Variants in TECTB observed in about 807,000 individuals in gnomAD.
TECTB encodes the protein beta-tectorin.
TECTB carries 45 observed loss-of-function variants against 43.3 expected under a neutral mutation model. That is an observed-to-expected ratio of 1.04 (90% confidence interval 0.82 to 1.33). The LOEUF is 1.33. Among genes scored for constraint, TECTB ranks in the 40% most tolerant of loss-of-function variants. The probability of loss-of-function intolerance (pLI) is 0.00; values close to 1 mark genes in which losing one functional copy is unlikely to be tolerated. For missense variants in TECTB, 399 were observed against 404.7 expected, an observed-to-expected ratio of 0.99 and a Z score of 0.12; for synonymous variants, 169 against 156.7, an observed-to-expected ratio of 1.08 and a Z score of -0.59.
chr10:112,301,077 G>A (rs1320584601), intron 9 of TECTB, among the ~76,000 whole-genome samples: 1 of 152,240 alleles, frequency 6.6e-6, no homozygotes, highest in Non-Finnish European at 1.5e-5. Flanking sequence ...ACGTTTTTAT[G>A]TGGTTCAAAA....
At position 112,303,650 on chromosome 10, in the gene TECTB, C is replaced by A; in HGVS notation, c.*338C>A. 3.4e-6 allele frequency: 1 copy of A among 289,864 alleles called. No individual in the cohort carries two copies. Among genetic ancestry groups the A allele is most frequent in the Non-Finnish European group, 6.6e-6 (1 of 152,294 alleles). 18.0% of individuals were successfully genotyped at this position (289,864 alleles called of 1,614,324 possible). On this transcript the variant is annotated 3_prime_UTR_variant, in exon 11 of 11. Transcript: ENST00000646139. ...GGTTAGCAGACCCAACCAAGTACTG[C>A]TGAGCATTTTGAAGAGAATGTAGGG...
At chr10:112,298,541 T>C (rs1848568880) in intron 8 of TECTB, among the ~76,000 whole-genome samples, 1 of 151,994 alleles carries the variant, frequency 6.6e-6, no homozygotes, top group Non-Finnish European at 1.5e-5. Flanking sequence ...TGTAGGTAAA[T>C]GAAAGTGATA....
Position 112,299,540 on chromosome 10 carries a change from C to G in TECTB, c.883C>G (p.Leu295Val). The G allele has an allele frequency of 6.2e-7, 1 of 1,613,964 alleles. No homozygotes were observed. Residue 295 changes from leucine (L) to valine (V), a missense_variant, in exon 9 of 11, where the codon CTG becomes GTG. Coordinates refer to ENST00000646139, the MANE Select transcript of TECTB (RefSeq NM_058222.3). ...CCTGCGAGACCAGACCGGGGGAGTC[C>G]TGGTCGTGGAGCTCTCCCTGCGGAG... ...RLLRDQTGGV[L>V]VVELSLRSRG...
chr10:112,292,243 T>C (rs547664551), intron 5 of TECTB, among the ~76,000 whole-genome samples: 2 of 152,178 alleles, frequency 1.3e-5, no homozygotes, highest in South Asian at 4.1e-4. Context: ...CAGCCTCCTT[T>C]GAGTAAGTCA....
intron 7 of TECTB, 76 bp from the exon 8 acceptor site, chr10:112,297,993 G>T: frequency 6.3e-7 from 1 of 1,599,232 alleles, no homozygotes; most frequent in Non-Finnish European, 8.5e-7. Context: ...CGGGAGCCTT[G>T]TGTGTAAATC....
intron 3 of TECTB, among the ~76,000 whole-genome samples, chr10:112,285,853 G>C (rs1208798448): frequency 1.3e-5 from 2 of 152,156 alleles, no homozygotes; most frequent in African/African-American, 4.8e-5. Context: ...CATCAACCTA[G>C]ATCATTTTTA....
chr10:112,298,118 A>G lies in TECTB; in HGVS notation c.721A>G (p.Arg241Gly), dbSNP rs1848564713. The part of the protein sequence containing the change: ...VLVHENGRDH[R>G]ATFQFNAFRF... ...CGTGCATGAGAATGGGAGAGATCAC[A>G]GGGCAACCTTCCAATTCAATGCTTT... The change falls in exon 8 of 11, where the codon AGG (arginine) becomes GGG (glycine). Residue 241 changes from arginine (R) to glycine (G), a missense_variant. Transcript: ENST00000646139. The G allele has an allele frequency of 6.2e-7, 1 of 1,614,114 alleles. No homozygotes were observed. Among genetic ancestry groups the G allele is most frequent in the Non-Finnish European group, 8.5e-7 (1 of 1,180,054 alleles).
At chr10:112,294,365 G>C (rs1402001805) in intron 7 of TECTB, among the ~76,000 whole-genome samples, 1 of 152,138 alleles carries the variant, frequency 6.6e-6, no homozygotes, top group African/African-American at 2.4e-5. Context: ...GAGAGGGTAA[G>C]GTCTCATATT....
Position 112,285,428 on chromosome 10 carries a change from C to T in TECTB, c.268-643C>T, listed in dbSNP as rs1589635637. On this transcript the variant is annotated intron_variant, in intron 3 of 10. Coordinates refer to ENST00000646139, the MANE Select transcript of TECTB (RefSeq NM_058222.3). ...GAGCAAAGAGCTTCCAGGGCCAGCT[C>T]CTCTTTCTAAAGGCCTCACAAGGAT... Among the ~76,000 whole-genome samples the T allele has an allele frequency of 2.0e-5, 3 of 152,260 alleles. No individual in the cohort carries two copies. In the South Asian group the frequency reaches 6.2e-4, roughly 32 times the overall value.
intron 7 of TECTB, among the ~76,000 whole-genome samples, chr10:112,295,481 G>A (rs1002368011): frequency 2.0e-5 from 3 of 152,214 alleles, no homozygotes; most frequent in African/African-American, 4.8e-5. Context: ...AGAAGGCCTG[G>A]GATTCAGACT....
chr10:112,300,274 G>GAAAA (rs1232473596), intron 9 of TECTB, among the ~76,000 whole-genome samples: 1 of 28,598 alleles, frequency 3.5e-5, no homozygotes, highest in Non-Finnish European at 6.2e-5. Flanking sequence ...AAGAAAGAAA[G>GAAAA]AAAGAAAAGA....
In TECTB at chr10:112,299,524, C is replaced by A. The variant is rs199966327; in HGVS notation, c.867C>A (p.Asp289Glu). 1 of 1,614,120 alleles carries A rather than the reference C, an allele frequency of 6.2e-7. No individual in the cohort carries two copies. Among genetic ancestry groups the A allele is most frequent in the Admixed American group, 1.7e-5 (1 of 60,016 alleles). ...ATAAACGGAAGCGCCTCCTGCGAGA[C>A]CAGACCGGGGGAGTCCTGGTCGTGG... is the stretch of plus-strand genomic sequence containing the variant. The part of the protein sequence containing the change: ...TCDKRKRLLR[D>E]QTGGVLVVEL... Residue 289 changes from aspartate (D) to glutamate (E), a missense_variant, in exon 9 of 11, where the codon GAC becomes GAA. Transcript: ENST00000646139.
Position 112,284,658 on chromosome 10 carries a change from G to T in TECTB, c.200G>T (p.Gly67Val). Residue 67 changes from glycine to valine, a missense_variant, in exon 3 of 11, where the codon GGT becomes GTT. Physicochemically the swap from Gly to Val is moderately radical, Grantham distance 109. Transcript: ENST00000646139. ...GLCYNGVHEGGYYQFVIPDLS... is the reference protein window; with the variant it reads ...GLCYNGVHEGVYYQFVIPDLS... ...TGTTACAATGGGGTCCACGAAGGAGGTTACTACCAATTTGTGATCCCAGAT... is the reference window on the plus strand; with the variant it reads ...TGTTACAATGGGGTCCACGAAGGAGTTTACTACCAATTTGTGATCCCAGAT... 3 of 1,613,380 alleles carry T rather than the reference G, an allele frequency of 1.9e-6. No homozygotes were observed. The highest frequency in any genetic ancestry group is 2.5e-6 in the Non-Finnish European group (3 of 1,179,682).
At chr10:112,294,419 T>A (rs1157357291) in intron 7 of TECTB, among the ~76,000 whole-genome samples, 1 of 152,148 alleles carries the variant, frequency 6.6e-6, no homozygotes, top group Non-Finnish European at 1.5e-5. Context: ...TGTGTATGTG[T>A]GCAAGAGGAA....
intron 7 of TECTB, among the ~76,000 whole-genome samples, chr10:112,297,504 G>A (rs1027284961): frequency 2.0e-5 from 3 of 151,874 alleles, no homozygotes; most frequent in Admixed American, 6.6e-5. Context: ...ACATTTAGAC[G>A]GTATCCTTCA....
At chr10:112,290,369 T>C (rs2133350300) in intron 5 of TECTB, among the ~76,000 whole-genome samples, 1 of 152,354 alleles carries the variant, frequency 6.6e-6, no homozygotes. Context: ...AGGTTTCTAA[T>C]TTTCACATTA....
rs1413254361 is a variant in TECTB at position 112,304,048 on chromosome 10, A to G, written c.*736A>G. ...ACAAATTAAATAGGAATATTTACAA[A>G]AAGAATAATCACAAGAAGAATACAA... is the stretch of plus-strand genomic sequence containing the variant. On this transcript the variant is annotated 3_prime_UTR_variant, in exon 11 of 11. Transcript: ENST00000646139. 6.6e-6 allele frequency: 1 copy of G among 152,230 alleles called. No homozygotes were observed. Among genetic ancestry groups the G allele is most frequent in the East Asian group, 1.9e-4 (1 of 5,196 alleles). The allele number at this position is 152,230 out of a possible 1,614,324, so 9.4% of individuals were successfully genotyped here. A position where few individuals can be genotyped will look rare whatever the true frequency, so the allele number is the denominator to read the frequency against.
At chr10:112,300,226 G>GAAAT (rs1478394038) in intron 9 of TECTB, among the ~76,000 whole-genome samples, 18 of 47,570 alleles carry the variant, frequency 3.8e-4, no homozygotes, top group African/African-American at 1.1e-3. Context: ...CAGACAGAAA[G>GAAAT]AAATAAAGAA....
chr10:112,296,822 G>A (rs12251373), intron 7 of TECTB, among the ~76,000 whole-genome samples: 16,002 of 152,184 alleles, frequency 0.11, 1,085 homozygotes, highest in Middle Eastern at 0.17. Context: ...TAACTGGACC[G>A]CTCTCTGGCG....
Sources: gnomAD v4.1 joint callset for allele counts (sites outside exome capture counted in the v4.1 genomes callset) on GRCh38, gnomAD v4.1.1 for gene constraint, MANE v1.5 for transcripts, NCBI Gene and HGNC (gene_info 2026-07-23, HGNC 2026-07-21) for gene names.